Variants in OSBP2 observed in about 807,000 individuals in gnomAD.
The protein encoded by OSBP2 is oxysterol binding protein 2, also known as oxysterol-binding protein 2.
A neutral mutation model predicts 96.0 loss-of-function variants in OSBP2; 66 were observed. The observed-to-expected ratio is 0.69, with a 90% CI of 0.56 to 0.84. The LOEUF (loss-of-function observed/expected upper bound fraction) is 0.84. OSBP2 is among the 40% of genes least tolerant of loss of function. OSBP2 has a pLI of 0.00. For synonymous variants in OSBP2, 525 were observed against 520.9 expected (o/e 1.01, Z -0.11); for missense variants, 1,038 against 1,222.7 (o/e 0.85, Z 2.25).
chr22:30,752,635 G>C (rs536172808), intron 2 of OSBP2, among the ~76,000 whole-genome samples: 6 of 152,122 alleles, frequency 3.9e-5, no homozygotes, highest in African/African-American at 1.4e-4. Flanking sequence ...GCAGGCTTCA[G>C]AGAGAATAGA....
At chr22:30,699,485 T>C (rs1569087010) in intron 1 of OSBP2, among the ~76,000 whole-genome samples, 1 of 152,200 alleles carries the variant, frequency 6.6e-6, no homozygotes, top group African/African-American at 2.4e-5. Context: ...TGCCAAACTG[T>C]TTCCCAAAGC....
chr22:30,757,294 C>A (rs1006286589), intron 2 of OSBP2, among the ~76,000 whole-genome samples: 4 of 152,186 alleles, frequency 2.6e-5, no homozygotes, highest in Non-Finnish European at 5.9e-5. Context: ...CCTGCGTCCC[C>A]CCTGCCATAT....
At chr22:30,902,873 C>T (rs2147193697) in intron 12 of OSBP2, 1 of 293,032 alleles carries the variant, frequency 3.4e-6, no homozygotes, top group Non-Finnish European at 7.0e-6. Flanking sequence ...CTTCCACTCC[C>T]ATACCTGCCA....
In OSBP2 at chr22:30,819,394, C is replaced by T. The variant is rs575706893; in HGVS notation, c.854-51035C>T. Among the ~76,000 whole-genome samples the T allele has an allele frequency of 4.6e-5, 7 of 152,248 alleles. No homozygotes were observed. In the East Asian group the frequency reaches 7.7e-4, roughly 17 times the overall value. On this transcript the variant is annotated intron_variant, in intron 2 of 13. Transcript: ENST00000332585. ...GGAGCGGGGCTGGGGTTCAGACTCA[C>T]GCATACGGTTATATGAGGGAAACTT...
At chr22:30,831,251 A>C (rs1410284136) in intron 2 of OSBP2, among the ~76,000 whole-genome samples, 1 of 152,136 alleles carries the variant, frequency 6.6e-6, no homozygotes, top group Non-Finnish European at 1.5e-5. Flanking sequence ...ATTCTGAGAG[A>C]TTATTCTTTG....
intron 2 of OSBP2, among the ~76,000 whole-genome samples, chr22:30,762,275 C>T (rs371102022): frequency 4.7e-5 from 7 of 149,986 alleles, no homozygotes; most frequent in Middle Eastern, 3.9e-3. Flanking sequence ...TTGGGCCGGG[C>T]GCGGTGGCTC....
chr22:30,721,008 T>G (rs901935889), intron 1 of OSBP2, among the ~76,000 whole-genome samples: 2 of 152,128 alleles, frequency 1.3e-5, no homozygotes, highest in Non-Finnish European at 1.5e-5. Flanking sequence ...GCAGATCACT[T>G]GAGGTCAGGA....
At chr22:30,869,696 C>T (rs779734066) in intron 2 of OSBP2, among the ~76,000 whole-genome samples, 23 of 152,244 alleles carry the variant, frequency 1.5e-4, no homozygotes, top group Non-Finnish European at 2.1e-4. Flanking sequence ...CCACTATGCC[C>T]GGCTAATTTT....
chr22:30,715,698 G>A (rs917268682), intron 1 of OSBP2, among the ~76,000 whole-genome samples: 15 of 151,526 alleles, frequency 9.9e-5, no homozygotes, highest in Non-Finnish European at 1.5e-4. Flanking sequence ...ATTGATTACA[G>A]GTGCCTGCCA....
chr22:30,741,388 A>G lies in OSBP2; in HGVS notation c.853+19A>G. The G allele has an allele frequency of 6.3e-7, 1 of 1,586,730 alleles. No homozygotes were observed. Among genetic ancestry groups the G allele is most frequent in the Non-Finnish European group, 8.6e-7 (1 of 1,167,820 alleles). On this transcript the variant is annotated intron_variant, in intron 2 of 13. Transcript: ENST00000332585. ...CATTCAGGTAGTGAGCACTTGGGAC[A>G]GCGGGTGTGTATATGGTGGTGTCAT...
At chr22:30,828,595 C>A (rs2038454693) in intron 2 of OSBP2, among the ~76,000 whole-genome samples, 1 of 152,194 alleles carries the variant, frequency 6.6e-6, no homozygotes, top group Non-Finnish European at 1.5e-5. Context: ...GCAGGGATCC[C>A]AGCAGAGGGC....
intron 2 of OSBP2, among the ~76,000 whole-genome samples, chr22:30,747,783 T>G (rs111959003): frequency 7.5e-4 from 114 of 152,348 alleles, no homozygotes; most frequent in African/African-American, 2.4e-3. Flanking sequence ...CTCAGCCTAA[T>G]GTCACCTCGA....
intron 2 of OSBP2, among the ~76,000 whole-genome samples, chr22:30,839,170 A>T (rs895635744): frequency 5.6e-5 from 8 of 143,972 alleles, no homozygotes. Context: ...CCTACAAAGG[A>T]CATGAACTCA....
intron 1 of OSBP2, among the ~76,000 whole-genome samples, chr22:30,725,189 C>CA (rs1210520889): frequency 1.3e-5 from 1 of 74,324 alleles, no homozygotes; most frequent in Admixed American, 1.3e-4. Context: ...AACAAAAAAA[C>CA]AAAAAAACAA....
intron 1 of OSBP2, among the ~76,000 whole-genome samples, chr22:30,718,357 G>A (rs1364347031): frequency 6.6e-6 from 1 of 152,208 alleles, no homozygotes; most frequent in Non-Finnish European, 1.5e-5. Context: ...ACATCCTTTA[G>A]CCTCTTTATC....
At chr22:30,730,151 C>T (rs5994335) in intron 1 of OSBP2, among the ~76,000 whole-genome samples, 83,384 of 151,660 alleles carry the variant, frequency 0.55, 23,281 homozygotes, top group Non-Finnish European at 0.61. Context: ...TTAGTAGAGA[C>T]GGGATTTCAC....
chr22:30,730,868 A>C (rs572548860), intron 1 of OSBP2, among the ~76,000 whole-genome samples: 107 of 144,770 alleles, frequency 7.4e-4, no homozygotes, highest in Non-Finnish European at 1.4e-3. Context: ...ACATAGCCCA[A>C]GGCAGGGATT....
chr22:30,742,259 T>C, intron 2 of OSBP2, among the ~76,000 whole-genome samples: 1 of 151,872 alleles, frequency 6.6e-6, no homozygotes, highest in Non-Finnish European at 1.5e-5. Context: ...GGTGAAAACC[T>C]GTCTGTACTA....
rs1569100122 is a variant in OSBP2, at chr22:30,730,717, T to TCTCTCTCTCTCTCTCC, written c.645-10429_645-10428insCCTCTCTCTCTCTCTC. ...ATCTGGATTCAGATTCGCTGCCCTG[T>TCTCTCTCTCTCTCTCC]CTCTCTCTCTCTCTCTCTCTCTCTC... On this transcript the variant is annotated intron_variant, in intron 1 of 13. Coordinates refer to ENST00000332585, the MANE Select transcript of OSBP2 (RefSeq NM_030758.4). 3.0e-3 allele frequency among the ~76,000 whole-genome samples: 25 copies of TCTCTCTCTCTCTCTCC among 8,380 alleles called. 1 individual carries two copies. Among genetic ancestry groups the TCTCTCTCTCTCTCTCC allele is most frequent in the South Asian group, 5.5e-3 (1 of 182 alleles). The allele number at this position is 8,380 out of a possible 152,430, so 5.5% of individuals were successfully genotyped here. A position where few individuals can be genotyped will look rare whatever the true frequency, so the allele number is the denominator to read the frequency against.
Sources: allele counts gnomAD v4.1 joint callset (sites outside exome capture counted in the v4.1 genomes callset), GRCh38; gene constraint gnomAD v4.1.1; transcripts MANE v1.5; gene names NCBI Gene and HGNC (gene_info 2026-07-23, HGNC 2026-07-21).